Variants in POLA1 observed in about 807,000 individuals in gnomAD.
POLA1 encodes the protein DNA polymerase alpha 1, catalytic subunit.
In POLA1, 15 loss-of-function variants were observed where a neutral mutation model predicts 124.0. That is an observed-to-expected ratio of 0.12 (90% CI 0.08 to 0.19). POLA1 has a LOEUF of 0.19. POLA1 is among the 10% of genes least tolerant of loss of function. POLA1 has a pLI of 1.00. For synonymous variants in POLA1, 408 were observed against 389.4 expected, an observed-to-expected ratio of 1.05 and a Z score of -0.56; for missense variants, 886 against 1,103.4, an observed-to-expected ratio of 0.80 and a Z score of 2.79.
chrX:24,833,365 G>A (rs1255526949), intron 32 of POLA1, among the ~76,000 whole-genome samples: 1 of 111,534 alleles, frequency 9.0e-6, no homozygotes, highest in Admixed American at 9.5e-5. Context: ...AAACATGCAC[G>A]TGCAAGTATC....
chrX:24,913,809 C>T (rs1322671833), intron 35 of POLA1, among the ~76,000 whole-genome samples: 1 of 110,330 alleles, frequency 9.1e-6, no homozygotes, highest in Admixed American at 9.6e-5. Context: ...AGGCGGATCA[C>T]CCAAGATCGG....
At chrX:24,877,915 G>GTTTTTTTT (rs5901765) in intron 34 of POLA1, among the ~76,000 whole-genome samples, 1 of 95,763 alleles carries the variant, frequency 1.0e-5, no homozygotes, top group Non-Finnish European at 2.1e-5. Flanking sequence ...GTTTTTTTTT[G>GTTTTTTTT]TTTTTTTTTT....
intron 32 of POLA1, among the ~76,000 whole-genome samples, chrX:24,832,446 A>G (rs2046277256): frequency 8.9e-6 from 1 of 112,170 alleles, no homozygotes; most frequent in South Asian, 3.8e-4. Context: ...ATAAGCAGTG[A>G]GACCTTTGAG....
At chrX:24,727,363 C>T (rs942442607) in intron 14 of POLA1, among the ~76,000 whole-genome samples, 3 of 111,271 alleles carry the variant, frequency 2.7e-5, no homozygotes, top group Non-Finnish European at 5.7e-5. Flanking sequence ...GCATAGTGAA[C>T]TGCTGACCTT....
chrX:24,840,344 C>T (rs369399864), intron 32 of POLA1, among the ~76,000 whole-genome samples: 3 of 111,954 alleles, frequency 2.7e-5, no homozygotes, highest in African/African-American at 9.7e-5. Flanking sequence ...CAGTAGGCAG[C>T]GTTGAACTCG....
chrX:24,694,063 G>C, intron 1 of POLA1, 59 bp downstream of exon 1: 1 of 1,048,840 alleles, frequency 9.5e-7, no homozygotes, highest in Non-Finnish European at 1.3e-6. Context: ...ATTGCCGGTG[G>C]TGGGGGTTCT....
chrX:24,957,066 T>A (rs1177025489), intron 36 of POLA1, among the ~76,000 whole-genome samples: 1 of 111,751 alleles, frequency 8.9e-6, no homozygotes, highest in African/African-American at 3.3e-5. Context: ...TCAGGACTTG[T>A]GGACACCAGC....
intron 26 of POLA1, among the ~76,000 whole-genome samples, chrX:24,769,694 C>T (rs2044986721): frequency 9.0e-6 from 1 of 111,236 alleles, no homozygotes; most frequent in South Asian, 3.8e-4. Flanking sequence ...AAATGAACTC[C>T]TCATTAGATT....
intron 27 of POLA1, among the ~76,000 whole-genome samples, chrX:24,810,188 T>A (rs766584307): frequency 9.0e-6 from 1 of 111,167 alleles, no homozygotes; most frequent in Non-Finnish European, 1.9e-5. Flanking sequence ...TCCAGGCCTT[T>A]ATACTGTATG....
At position 24,727,902 on chromosome X, in the gene POLA1, A is replaced by G; in HGVS notation, c.1652A>G (p.Lys551Arg). The change falls in exon 15 of 37, where the codon AAG (lysine) becomes AGG (arginine). Residue 551 changes from lysine (K) to arginine (R), a missense_variant. This residue lies in a region of POLA1 where 337 missense variants were observed against 402.8 expected (regional missense o/e 0.84). Transcript: ENST00000379068. ...PPLVVMAFSM[K>R]TMQNAKNHQN... ...CTTGTCGTGATGGCTTTCAGCATGA[A>G]GACAATGCAGAATGCAAAGAACCAT... 8.3e-7 allele frequency: 1 copy of G among 1,209,746 alleles called. No individual in the cohort carries two copies. The highest frequency in any genetic ancestry group is 1.1e-6 in the Non-Finnish European group (1 of 893,829).
chrX:24,768,515 A>C (rs900244193), intron 26 of POLA1, among the ~76,000 whole-genome samples: 2 of 112,469 alleles, frequency 1.8e-5, no homozygotes, highest in Non-Finnish European at 1.9e-5. Flanking sequence ...GTTTGCCTTA[A>C]GCAGAATAAA....
At chrX:24,710,117 C>CT (rs149907692) in intron 4 of POLA1, among the ~76,000 whole-genome samples, 179 of 101,185 alleles carry the variant, frequency 1.8e-3, no homozygotes, top group Middle Eastern at 5.2e-3. Flanking sequence ...TCGCCGGCGC[C>CT]TTTTTTTTTT....
intron 36 of POLA1, among the ~76,000 whole-genome samples, chrX:24,987,250 A>G (rs2048490065): frequency 9.0e-6 from 1 of 111,714 alleles, no homozygotes; most frequent in Non-Finnish European, 1.9e-5. Context: ...CCCGTTGAGC[A>G]CTCAGGAGAC....
At chrX:24,741,536 T>C (rs1931658317) in intron 21 of POLA1, 32 bp downstream of exon 21, 1 of 1,167,138 alleles carries the variant, frequency 8.6e-7, no homozygotes, top group African/African-American at 1.8e-5. Context: ...GGAAAAAGCA[T>C]TTCCTGTTGG....
intron 26 of POLA1, among the ~76,000 whole-genome samples, chrX:24,793,569 T>C (rs2045549702): frequency 9.0e-6 from 1 of 110,660 alleles, no homozygotes; most frequent in African/African-American, 3.3e-5. Flanking sequence ...GGTTGTTATA[T>C]GAAGAGAGTC....
At chrX:24,793,277 CAAAAAAAAAAA>C (rs144419886) in intron 26 of POLA1, among the ~76,000 whole-genome samples, 6 of 26,038 alleles carry the variant, frequency 2.3e-4, no homozygotes, top group African/African-American at 7.0e-4. Flanking sequence ...GACTCCCTCT[CAAAAAAAAAAA>C]AAAAAAAAAA....
chrX:24,807,274 G>A (rs1466132058), intron 26 of POLA1, among the ~76,000 whole-genome samples: 1 of 112,236 alleles, frequency 8.9e-6, no homozygotes, highest in Non-Finnish European at 1.9e-5. Context: ...TGCTCCTCAG[G>A]TATTTTATTG....
chrX:24,973,524 G>A (rs767178951), intron 36 of POLA1, among the ~76,000 whole-genome samples: 6 of 111,929 alleles, frequency 5.4e-5, no homozygotes, highest in African/African-American at 1.9e-4. Context: ...AGCCTTCAGG[G>A]TCCTATCTTG....
chrX:24,826,333 T>C (rs2046169922), intron 31 of POLA1, 94 bp from the exon 32 acceptor site: 2 of 566,311 alleles, frequency 3.5e-6, no homozygotes, highest in South Asian at 4.4e-5. Flanking sequence ...AATTGTTGCC[T>C]CTCTGTTTGA....
Sources: allele counts gnomAD v4.1 joint callset (sites outside exome capture counted in the v4.1 genomes callset), GRCh38; gene constraint gnomAD v4.1.1; regional missense constraint gnomAD v4.1.1; transcripts MANE v1.5; gene names NCBI Gene and HGNC (gene_info 2026-07-23, HGNC 2026-07-21).